PCDHA2: variants seen among roughly 807,000 people sequenced by gnomAD.
PCDHA2 encodes protocadherin alpha-2.
In PCDHA2, 58 loss-of-function variants were observed where a neutral mutation model predicts 66.0. That is an observed-to-expected ratio of 0.88 (90% CI 0.71 to 1.09). The LOEUF is 1.09. Ranked by LOEUF, PCDHA2 falls within the 50% of genes least tolerant of loss-of-function variation. The probability of loss-of-function intolerance (pLI) is 0.00; values close to 1 mark genes in which losing one functional copy is unlikely to be tolerated. For missense variants in PCDHA2, 1,267 were observed against 1,242.3 expected, an observed-to-expected ratio of 1.02 and a Z score of -0.30; for synonymous variants, 634 against 554.0, an observed-to-expected ratio of 1.14 and a Z score of -2.03.
In PCDHA2 at chr5:140,841,101, CG is replaced by C. The variant is rs1220554123; in HGVS notation, c.2388+43751del. 6.9e-6 allele frequency: 4 copies of C among 575,664 alleles called. No individual in the cohort carries two copies. The African/African-American group carries it at 7.5e-5, about 11-fold the overall frequency. The allele number at this position is 575,664 out of a possible 1,614,324, so 35.7% of individuals were successfully genotyped here. A position where few individuals can be genotyped will look rare whatever the true frequency, so the allele number is the denominator to read the frequency against. ...AGTGCATAGAAGAACCCAGATATTG[CG>C]GAAGTAATTCATGTAATCATTACCT... On this transcript the variant is annotated intron_variant, in intron 1 of 3. Coordinates refer to ENST00000526136, the MANE Select transcript of PCDHA2 (RefSeq NM_018905.3).
chr5:140,888,558 C>T (rs782768307), intron 1 of PCDHA2, among the ~76,000 whole-genome samples: 6 of 152,188 alleles, frequency 3.9e-5, no homozygotes, highest in Non-Finnish European at 7.3e-5. Flanking sequence ...TTATTCCTTT[C>T]AAGGCTTCAT....
chr5:141,009,606 T>C (rs2098413036), intron 3 of PCDHA2, 21 bp from the exon 4 acceptor site: 1 of 1,609,858 alleles, frequency 6.2e-7, no homozygotes, highest in Non-Finnish European at 8.5e-7. Flanking sequence ...TGTTAATGAT[T>C]TGTAATGTTT....
chr5:140,946,080 A>T lies in PCDHA2; in HGVS notation c.2389-32869A>T, dbSNP rs74501731. ...GGGAGAAAATATTTGCAAACCACAG[A>T]TCTGATAAGGAGTTAACATACCAAA... On this transcript the variant is annotated intron_variant, in intron 1 of 3. Coordinates refer to ENST00000526136, the MANE Select transcript of PCDHA2 (RefSeq NM_018905.3). Among the ~76,000 whole-genome samples, 867 of 152,226 alleles carry T rather than the reference A, an allele frequency of 5.7e-3. 6 individuals carry two copies. Among genetic ancestry groups the T allele is most frequent in the African/African-American group, 0.02 (843 of 41,572 alleles).
chr5:140,924,165 C>G (rs782754845), intron 1 of PCDHA2, among the ~76,000 whole-genome samples: 5 of 152,230 alleles, frequency 3.3e-5, no homozygotes, highest in Admixed American at 1.3e-4. Context: ...ATCCTAATCT[C>G]TGGCACTGAA....
intron 1 of PCDHA2, chr5:140,883,550 C>A: frequency 6.2e-7 from 1 of 1,614,188 alleles, no homozygotes; most frequent in Non-Finnish European, 8.5e-7. Flanking sequence ...GGTGACCGCG[C>A]GGGACGGGGG....
chr5:140,796,816 G>T lies in PCDHA2; in HGVS notation c.1852G>T (p.Ala618Ser), dbSNP rs782509295. The T allele has an allele frequency of 3.1e-6, 5 of 1,614,122 alleles. No individual in the cohort carries two copies. The Admixed American group carries it at 8.3e-5, about 27-fold the overall frequency. Residue 618 changes from alanine to serine, a missense_variant, in exon 1 of 4, where the codon GCT (alanine) becomes TCT (serine). Ala to Ser is a moderately conservative substitution (Grantham distance 99). Coordinates refer to ENST00000526136, the MANE Select transcript of PCDHA2 (RefSeq NM_018905.3). ...CGAGCTTCAGCTGGGTACTGGCAGC[G>T]CTCGCATCCCGTTCCGCGTGGGGCT... ...SYELQLGTGS[A>S]RIPFRVGLYT...
chr5:140,977,314 C>CTCCTGATG (rs1482871612), intron 1 of PCDHA2, among the ~76,000 whole-genome samples: 1 of 152,152 alleles, frequency 6.6e-6, no homozygotes, highest in African/African-American at 2.4e-5. Context: ...AACGATAGTG[C>CTCCTGATG]TCCTGATGGC....
chr5:140,968,813 A>T, intron 1 of PCDHA2: 2 of 1,614,194 alleles, frequency 1.2e-6, no homozygotes, highest in Non-Finnish European at 1.7e-6. Context: ...TGTGGTGGAT[A>T]GGGTTTCCAA....
In PCDHA2 at chr5:140,913,634, C is replaced by T. The variant is rs145807488; in HGVS notation, c.2389-65315C>T. On this transcript the variant is annotated intron_variant, in intron 1 of 3. Transcript: ENST00000526136. ...TACTAATTTTGGATTCAGTTTGCTG[C>T]TGCTTTTCTAGTTCTTTAAGATGTA... Among the ~76,000 whole-genome samples the T allele has an allele frequency of 8.0e-3, 1,219 of 152,090 alleles. 7 individuals carry two copies. Among genetic ancestry groups the T allele is most frequent in the African/African-American group, 0.019 (785 of 41,506 alleles).
chr5:140,891,148 A>C (rs913917156), intron 1 of PCDHA2, among the ~76,000 whole-genome samples: 2 of 151,726 alleles, frequency 1.3e-5, no homozygotes, highest in Non-Finnish European at 2.9e-5. Flanking sequence ...TATTCTGTTT[A>C]TTTTCCTTTG....
intron 1 of PCDHA2, among the ~76,000 whole-genome samples, chr5:140,906,547 C>T (rs2072745421): frequency 6.6e-6 from 1 of 152,218 alleles, no homozygotes; most frequent in Non-Finnish European, 1.5e-5. Flanking sequence ...CTCATTTCTG[C>T]AACTGGTTGT....
chr5:140,874,053 CAATTT>C (rs1290519215), intron 1 of PCDHA2, among the ~76,000 whole-genome samples: 1 of 152,190 alleles, frequency 6.6e-6, no homozygotes, highest in Non-Finnish European at 1.5e-5. Flanking sequence ...TGATATTAGA[CAATTT>C]AAATAATTAG....
intron 1 of PCDHA2, chr5:140,822,963 G>A (rs2150120788): frequency 1.2e-6 from 2 of 1,614,232 alleles, no homozygotes; most frequent in South Asian, 2.2e-5. Flanking sequence ...CCTTCAAGCT[G>A]GTGTCCACCT....
intron 3 of PCDHA2, among the ~76,000 whole-genome samples, chr5:140,995,889 A>G (rs1007675217): frequency 1.3e-5 from 2 of 152,202 alleles, no homozygotes; most frequent in African/African-American, 4.8e-5. Context: ...CTTCAGATTT[A>G]TCAATGTATA....
At chr5:140,971,419 G>A (rs1554233321) in intron 1 of PCDHA2, among the ~76,000 whole-genome samples, 1 of 152,140 alleles carries the variant, frequency 6.6e-6, no homozygotes. Context: ...TGGAAATCCA[G>A]TGAAGAACCC....
intron 1 of PCDHA2, chr5:140,834,258 C>CA (rs1772870639): frequency 5.3e-6 from 5 of 940,106 alleles, no homozygotes; most frequent in Non-Finnish European, 8.0e-6. Context: ...AAAGACGCTC[C>CA]ACTCTCTTTC....
chr5:140,853,625 A>G (rs1195027874), intron 1 of PCDHA2: 1 of 988,416 alleles, frequency 1.0e-6, no homozygotes, highest in African/African-American at 1.8e-5. Context: ...ATAAGTATAC[A>G]AGATCACAGA....
intron 1 of PCDHA2, chr5:140,851,041 G>T: frequency 7.2e-7 from 1 of 1,393,950 alleles, no homozygotes. Context: ...TAACATTGGA[G>T]CCGACTTTGT....
At chr5:140,809,746 C>A in intron 1 of PCDHA2, 2 of 665,558 alleles carry the variant, frequency 3.0e-6, no homozygotes, top group Non-Finnish European at 4.9e-6. Flanking sequence ...TATATATTGC[C>A]TTCCTTCATT....
Sources: allele counts gnomAD v4.1 joint callset (sites outside exome capture counted in the v4.1 genomes callset), GRCh38; gene constraint gnomAD v4.1.1; transcripts MANE v1.5; gene names NCBI Gene and HGNC (gene_info 2026-07-23, HGNC 2026-07-21).